The following LAMA4 variants were observed in gnomAD, a reference collection of about 807,000 sequenced individuals.
LAMA4 encodes the protein laminin subunit alpha 4, also known as laminin subunit alpha-4.
LAMA4 carries 127 observed loss-of-function variants against 207.1 expected under a neutral mutation model. The ratio of observed to expected loss-of-function variants is 0.61; its 90% CI spans 0.53 to 0.71. The LOEUF (loss-of-function observed/expected upper bound fraction) is 0.71, where lower values mean the gene tolerates loss of function less well. Ranked by LOEUF, LAMA4 falls within the 30% of genes least tolerant of loss-of-function variation. LAMA4 has a pLI of 0.00. For missense variants in LAMA4, 2,093 were observed against 2,246.5 expected, an observed-to-expected ratio of 0.93 and a Z score of 1.38; for synonymous variants, 761 against 816.0, an observed-to-expected ratio of 0.93 and a Z score of 1.15.
intron 2 of LAMA4, among the ~76,000 whole-genome samples, chr6:112,241,841 A>C (rs1786538140): frequency 6.6e-6 from 1 of 152,148 alleles, no homozygotes; most frequent in African/African-American, 2.4e-5. Context: ...ATAGAAAAGG[A>C]CCAGCTGGAG....
chr6:112,162,867 G>T (rs1781138531), intron 13 of LAMA4, among the ~76,000 whole-genome samples: 1 of 151,782 alleles, frequency 6.6e-6, no homozygotes, highest in Non-Finnish European at 1.5e-5. Flanking sequence ...CAGCTAGGGA[G>T]AGAGTATAGG....
chr6:112,188,992 A>C (rs2114947992), intron 7 of LAMA4, 118 bp downstream of exon 7: 2 of 748,398 alleles, frequency 2.7e-6, no homozygotes, highest in East Asian at 5.4e-5. Flanking sequence ...GAAAGGGTTA[A>C]GTCCAGGGGT....
At position 112,129,929 on chromosome 6, in the gene LAMA4, GA is replaced by G; in HGVS notation, c.4079del (p.Ile1360ThrfsTer12). 6.2e-7 allele frequency: 1 copy of G among 1,612,788 alleles called. No homozygotes were observed. On this transcript the variant is annotated frameshift_variant, in exon 30 of 39. Transcript: ENST00000230538. LOFTEE classifies it high-confidence loss of function. ...CAGTGAAATTAGCATACTGAGCACT[GA>G]TTGGTGAGCCACCGAAGTAAAACTT... ...EKKFYFGGSP[I>X]SAQYANFTGC...
chr6:112,254,278 TGCGCAACCAGCA>T lies in LAMA4; in HGVS notation c.-140_-129del, dbSNP rs1787703630. On this transcript the variant is annotated splice_region_variant and 5_prime_UTR_variant, in exon 2 of 39. Coordinates refer to ENST00000230538, the MANE Select transcript of LAMA4 (RefSeq NM_001105206.3). ...TCCGTGTGCAGTATCCCGAGGTGGC[TGCGCAACCAGCA>T]GCTTAGGAAATAAAGGGAAAGTGCG... 1 of 1,160,362 alleles carries T rather than the reference TGCGCAACCAGCA, an allele frequency of 8.6e-7. No individual in the cohort carries two copies. The highest frequency in any genetic ancestry group is 2.0e-5 in the Admixed American group (1 of 51,072). The allele number at this position is 1,160,362 out of a possible 1,614,324, so 71.9% of individuals were successfully genotyped here. A position where few individuals can be genotyped will look rare whatever the true frequency, so the allele number is the denominator to read the frequency against.
At position 112,201,668 on chromosome 6, in the gene LAMA4, C is replaced by A. The variant is rs1554352496; in HGVS notation, c.443G>T (p.Arg148Met). The change falls in exon 5 of 39, where the codon AGG becomes ATG. Residue 148 changes from arginine (R) to methionine (M), a missense_variant. By Grantham distance (91) the Arg-to-Met change is moderately conservative. Transcript: ENST00000230538. The stretch of plus-strand genomic sequence containing the variant: ...AATGCACCGAACAGCTCCATTTTTC[C>A]TATAGCAGGATTCTGCAAAACTAAA... ...HLANFAESCY[R>M]KNGAVRCICN... 6.2e-7 allele frequency: 1 copy of A among 1,613,876 alleles called. No individual in the cohort carries two copies. Among genetic ancestry groups the A allele is most frequent in the Non-Finnish European group, 8.5e-7 (1 of 1,179,838 alleles).
At chr6:112,114,419 C>CT (rs1295412437) in intron 37 of LAMA4, among the ~76,000 whole-genome samples, 7 of 151,940 alleles carry the variant, frequency 4.6e-5, no homozygotes, top group African/African-American at 1.2e-4. Context: ...TCTTGTGCTA[C>CT]TTTTTTTTGC....
Position 112,210,380 on chromosome 6 carries a change from A to G in LAMA4, c.298-3235T>C, listed in dbSNP as rs1583900304. 2.0e-5 allele frequency among the ~76,000 whole-genome samples: 3 copies of G among 152,330 alleles called. No homozygotes were observed. The South Asian group carries it at 6.2e-4, about 32-fold the overall frequency. On this transcript the variant is annotated intron_variant, in intron 3 of 38. Coordinates refer to ENST00000230538, the MANE Select transcript of LAMA4 (RefSeq NM_001105206.3). Reference sequence around the variant, plus strand: ...TTAATAAAACTGACTCCACTTAAAAATGAAATTAGCATTCTGAACTTTTAG... The same window carrying G: ...TTAATAAAACTGACTCCACTTAAAAGTGAAATTAGCATTCTGAACTTTTAG...
chr6:112,164,230 G>A (rs913229387), intron 13 of LAMA4: 1 of 152,268 alleles, frequency 6.6e-6, no homozygotes, highest in Non-Finnish European at 1.5e-5. Context: ...TTGATAATTT[G>A]AGCTGCTTAA....
In LAMA4 at chr6:112,168,345, C is replaced by CT. The variant is rs34395210; in HGVS notation, c.1552-3070dup. On this transcript the variant is annotated intron_variant, in intron 12 of 38. Coordinates refer to ENST00000230538, the MANE Select transcript of LAMA4 (RefSeq NM_001105206.3). ...AGGACTCCTTCTGGCAGCTAGTGTT[C>CT]TTTTTTTTTTTTTTTTTGAGGTGGA... Among the ~76,000 whole-genome samples, 849 of 129,302 alleles carry CT rather than the reference C, an allele frequency of 6.6e-3. 14 individuals carry two copies. Among genetic ancestry groups the CT allele is most frequent in the African/African-American group, 0.02 (696 of 35,452 alleles). 84.8% of individuals were successfully genotyped at this position (129,302 alleles called of 152,430 possible).
At chr6:112,115,148 G>T (rs1023808385) in intron 36 of LAMA4, among the ~76,000 whole-genome samples, 1 of 152,068 alleles carries the variant, frequency 6.6e-6, no homozygotes, top group Non-Finnish European at 1.5e-5. Context: ...AATTATAAGC[G>T]ATACTGTTAC....
chr6:112,201,586 A>G, intron 5 of LAMA4, 22 bp downstream of exon 5: 1 of 1,599,084 alleles, frequency 6.3e-7, no homozygotes, highest in Non-Finnish European at 8.6e-7. Flanking sequence ...CACACAGAAA[A>G]TAGAGAATTT....
At chr6:112,197,870 C>G (rs1783512616) in intron 5 of LAMA4, among the ~76,000 whole-genome samples, 1 of 152,154 alleles carries the variant, frequency 6.6e-6, no homozygotes, top group Non-Finnish European at 1.5e-5. Context: ...GTTATTTTCT[C>G]CCAGCACTGA....
chr6:112,120,185 A>T, intron 33 of LAMA4, 98 bp downstream of exon 33: 1 of 1,010,188 alleles, frequency 9.9e-7, no homozygotes, highest in Non-Finnish European at 1.5e-6. Context: ...GCAGAATTTT[A>T]AAATGGATAT....
intron 5 of LAMA4, 75 bp downstream of exon 5, chr6:112,201,533 G>C (rs1554352388): frequency 1.2e-5 from 14 of 1,188,052 alleles, no homozygotes; most frequent in Non-Finnish European, 1.5e-5. Flanking sequence ...ATGGGAGTAT[G>C]GCAGAGCTGT....
chr6:112,160,183 C>T (rs1414484052), intron 13 of LAMA4, among the ~76,000 whole-genome samples: 3 of 152,110 alleles, frequency 2.0e-5, no homozygotes, highest in Non-Finnish European at 2.9e-5. Context: ...TTGGTTAACT[C>T]CCTCAGAGAC....
rs1554329036 is a variant in LAMA4, at chr6:112,129,923, A to G, written c.4086T>C (p.Ala1362=). The part of the protein sequence containing the change: ...KFYFGGSPIS[A]QYANFTGCIS... ...TGCAGCCAGTGAAATTAGCATACTG[A>G]GCACTGATTGGTGAGCCACCGAAGT... The change falls in exon 30 of 39, where the codon GCT becomes GCC. Residue 1362 remains alanine (A), a synonymous_variant. Coordinates refer to ENST00000230538, the MANE Select transcript of LAMA4 (RefSeq NM_001105206.3). The G allele has an allele frequency of 6.2e-7, 1 of 1,612,648 alleles. No homozygotes were observed. Among genetic ancestry groups the G allele is most frequent in the Non-Finnish European group, 8.5e-7 (1 of 1,179,242 alleles).
At chr6:112,202,309 G>C (rs797027167) in intron 4 of LAMA4, among the ~76,000 whole-genome samples, 10 of 151,988 alleles carry the variant, frequency 6.6e-5, no homozygotes, top group African/African-American at 2.4e-4. Context: ...TAGGACACAG[G>C]ACAAAAAAGT....
intron 12 of LAMA4, among the ~76,000 whole-genome samples, chr6:112,165,577 A>G (rs1583772808): frequency 6.6e-6 from 1 of 152,236 alleles, no homozygotes; most frequent in East Asian, 1.9e-4. Context: ...TTTTCCCAGA[A>G]TATAAAAGAG....
At chr6:112,188,202 G>T (rs1421508272) in intron 7 of LAMA4, among the ~76,000 whole-genome samples, 1 of 152,224 alleles carries the variant, frequency 6.6e-6, no homozygotes, top group African/African-American at 2.4e-5. Flanking sequence ...CTCTTCTAGA[G>T]ACGTGATAAA....
Sources: allele counts gnomAD v4.1 joint callset (sites outside exome capture counted in the v4.1 genomes callset), GRCh38; gene constraint gnomAD v4.1.1; transcripts MANE v1.5; gene names NCBI Gene and HGNC (gene_info 2026-07-23, HGNC 2026-07-21).